RUNX1: variants seen among roughly 807,000 people sequenced by gnomAD.
The protein encoded by RUNX1 is runt-related transcription factor 1.
RUNX1 carries 19 observed loss-of-function variants against 42.8 expected under a neutral mutation model. The ratio of observed to expected loss-of-function variants is 0.44; its 90% CI spans 0.31 to 0.65. The LOEUF (loss-of-function observed/expected upper bound fraction) is 0.65. Ranked by LOEUF, RUNX1 falls within the 30% of genes least tolerant of loss-of-function variation. The pLI, the probability that RUNX1 is intolerant of heterozygous loss-of-function variation, is 0.07. For missense variants in RUNX1, 528 were observed against 672.0 expected (o/e 0.79, Z 2.37); for synonymous variants, 271 against 289.4 (o/e 0.94, Z 0.64).
chr21:34,980,983 T>G (rs1445998960), intron 2 of RUNX1, among the ~76,000 whole-genome samples: 1 of 152,208 alleles, frequency 6.6e-6, no homozygotes, highest in African/African-American at 2.4e-5. Flanking sequence ...AGAGAAGACG[T>G]AGGCGGAAAT....
At position 34,788,920 on chromosome 21, in the gene RUNX1, G is replaced by A. The variant is rs2056402495; in HGVS notation, c.*3215C>T. On this transcript the variant is annotated 3_prime_UTR_variant, in exon 9 of 9. Coordinates refer to ENST00000675419, the MANE Select transcript of RUNX1 (RefSeq NM_001754.5). ...CAGGACGGAATGTCCCAAAGAAACA[G>A]GTATTTCAAGGCAGAAATCTGCAAT... is the stretch of plus-strand genomic sequence containing the variant. 4.3e-6 allele frequency: 1 copy of A among 233,260 alleles called. No homozygotes were observed. Among genetic ancestry groups the A allele is most frequent in the Non-Finnish European group, 8.5e-6 (1 of 118,064 alleles). 14.4% of individuals were successfully genotyped at this position (233,260 alleles called of 1,614,324 possible). A position where few individuals can be genotyped will look rare whatever the true frequency, so the allele number is the denominator to read the frequency against.
chr21:34,947,049 C>T (rs1037671006), intron 2 of RUNX1, among the ~76,000 whole-genome samples: 1 of 152,236 alleles, frequency 6.6e-6, no homozygotes, highest in South Asian at 2.1e-4. Flanking sequence ...AGTCATAACA[C>T]TCTCTCCCTC....
rs938912621 is a variant in RUNX1, at chr21:34,901,529, A to T, written c.59-8566T>A. On this transcript the variant is annotated intron_variant, in intron 2 of 8. Coordinates refer to ENST00000675419, the MANE Select transcript of RUNX1 (RefSeq NM_001754.5). This position sits in a 1 kb window ranked among gnomAD's most constrained non-coding sequence, Gnocchi z 4.3. ...TCCGTCTCAAAAATAAATAATAATAATAATAATAACAATACCAGTTTCTAT... is the reference window on the plus strand; with the variant it reads ...TCCGTCTCAAAAATAAATAATAATATTAATAATAACAATACCAGTTTCTAT... Among the ~76,000 whole-genome samples, 6 of 151,990 alleles carry T rather than the reference A, an allele frequency of 3.9e-5. No individual in the cohort carries two copies. Among genetic ancestry groups the T allele is most frequent in the Non-Finnish European group, 8.8e-5 (6 of 67,984 alleles).
At chr21:34,821,180 A>T (rs2056902538) in intron 7 of RUNX1, 8 of 1,010,266 alleles carry the variant, frequency 7.9e-6, no homozygotes, top group Non-Finnish European at 9.5e-6. Flanking sequence ...ACACCGGGGG[A>T]ATTATCGCAG....
chr21:34,833,307 T>A (rs1216000563), intron 7 of RUNX1: 3 of 152,426 alleles, frequency 2.0e-5, no homozygotes, highest in South Asian at 4.1e-4. Context: ...GGTTTCACCA[T>A]GTTAGCCAGG....
chr21:35,006,166 TG>T (rs1569147845), intron 2 of RUNX1, among the ~76,000 whole-genome samples: 1 of 152,160 alleles, frequency 6.6e-6, no homozygotes, highest in Non-Finnish European at 1.5e-5. Context: ...ATCCAGGTGC[TG>T]GATTGTGGAG....
chr21:34,972,056 C>T (rs2834708), intron 2 of RUNX1, among the ~76,000 whole-genome samples: 61,479 of 152,032 alleles, frequency 0.4, 12,940 homozygotes, highest in African/African-American at 0.51. Flanking sequence ...TTCAAGTTTA[C>T]ATGGCATTTT....
At chr21:35,040,708 T>C (rs777478958) in intron 2 of RUNX1, among the ~76,000 whole-genome samples, 21 of 147,142 alleles carry the variant, frequency 1.4e-4, no homozygotes, top group Non-Finnish European at 2.2e-4. Flanking sequence ...GAGGCGGAGA[T>C]TGCAGTGAGC....
chr21:35,030,387 A>C (rs534733357), intron 2 of RUNX1, among the ~76,000 whole-genome samples: 59 of 152,276 alleles, frequency 3.9e-4, no homozygotes, highest in Non-Finnish European at 6.6e-4. Context: ...AAGATATTTT[A>C]AGGTGACAAG....
chr21:35,035,188 A>G (rs921763354), intron 2 of RUNX1, among the ~76,000 whole-genome samples: 1 of 152,244 alleles, frequency 6.6e-6, no homozygotes, highest in East Asian at 1.9e-4. Context: ...AGCATATTCT[A>G]TGTATTTCTG....
intron 2 of RUNX1, among the ~76,000 whole-genome samples, chr21:34,903,386 T>G (rs139134892): frequency 6.6e-6 from 1 of 152,208 alleles, no homozygotes; most frequent in Non-Finnish European, 1.5e-5. Context: ...TTATTACAAC[T>G]GTTACTACCT....
intron 2 of RUNX1, among the ~76,000 whole-genome samples, chr21:35,001,231 A>G (rs932738935): frequency 2.6e-5 from 4 of 151,110 alleles, no homozygotes; most frequent in Non-Finnish European, 5.9e-5. Flanking sequence ...GATATAATTC[A>G]CATATCATAT....
rs577229743 is a variant in RUNX1 at position 34,970,362 on chromosome 21, G to T, written c.59-77399C>A. 1.4e-4 allele frequency among the ~76,000 whole-genome samples: 21 copies of T among 152,350 alleles called. No homozygotes were observed. In the South Asian group the frequency reaches 4.3e-3, roughly 32 times the overall value. On this transcript the variant is annotated intron_variant, in intron 2 of 8. Coordinates refer to ENST00000675419, the MANE Select transcript of RUNX1 (RefSeq NM_001754.5). Reference sequence around the variant, plus strand: ...TGGCGAAATCAGGTTGGCAATAGCAGCACTTACTTTTCCAAATTAAATCAG... The same window carrying T: ...TGGCGAAATCAGGTTGGCAATAGCATCACTTACTTTTCCAAATTAAATCAG...
chr21:35,009,680 C>T (rs1291637967), intron 2 of RUNX1, among the ~76,000 whole-genome samples: 1 of 152,170 alleles, frequency 6.6e-6, no homozygotes, highest in Non-Finnish European at 1.5e-5. Flanking sequence ...TCAGAGTTGG[C>T]CCTGCTCATT....
At chr21:34,855,657 C>T (rs1165413143) in intron 6 of RUNX1, among the ~76,000 whole-genome samples, 2 of 152,070 alleles carry the variant, frequency 1.3e-5, no homozygotes, top group African/African-American at 4.8e-5. Context: ...TGCAGTGAGC[C>T]GAGATTGTGC....
At chr21:34,842,611 A>G (rs542546069) in intron 6 of RUNX1, among the ~76,000 whole-genome samples, 149 of 152,150 alleles carry the variant, frequency 9.8e-4, no homozygotes, top group Non-Finnish European at 1.9e-3. Context: ...GCACTCTGAC[A>G]TAAGCAAAGT....
At chr21:34,835,437 T>C (rs536392481) in intron 6 of RUNX1, among the ~76,000 whole-genome samples, 16 of 151,496 alleles carry the variant, frequency 1.1e-4, no homozygotes, top group Non-Finnish European at 2.2e-4. Context: ...TAGGGTGGGA[T>C]GGTGGGCCCC....
Position 34,887,059 on chromosome 21 carries a change from G to A in RUNX1, c.135C>T (p.Thr45=), listed in dbSNP as rs1378434360. Residue 45 remains threonine, a synonymous_variant, in exon 4 of 9, where the codon ACC becomes ACT. Coordinates refer to ENST00000675419, the MANE Select transcript of RUNX1 (RefSeq NM_001754.5). ...STSRRFTPPS[T]ALSPGKMSEA... is the part of the protein sequence containing the mutation. The stretch of plus-strand genomic sequence containing the variant: ...CGCTCATCTTGCCTGGGCTCAGCGC[G>A]GTGGAAGGCGGCGTGAAGCGGCGGC... 2 of 1,599,950 alleles carry A rather than the reference G, an allele frequency of 1.3e-6. No individual in the cohort carries two copies. The highest frequency in any genetic ancestry group is 4.5e-5 in the East Asian group (2 of 44,864).
intron 2 of RUNX1, among the ~76,000 whole-genome samples, chr21:34,916,612 A>G (rs931377642): frequency 1.3e-5 from 2 of 152,120 alleles, no homozygotes; most frequent in African/African-American, 4.8e-5. Flanking sequence ...TGATGACTAG[A>G]TTGAGTCTGG....
Sources: gnomAD v4.1 joint callset for allele counts (sites outside exome capture counted in the v4.1 genomes callset) on GRCh38, gnomAD v4.1.1 for gene constraint, Gnocchi (gnomAD v3.1) non-coding constraint, MANE v1.5 for transcripts, NCBI Gene and HGNC (gene_info 2026-07-23, HGNC 2026-07-21) for gene names.